ATP9A: variants seen among roughly 807,000 people sequenced by gnomAD.
ATP9A encodes the protein ATPase phospholipid transporting 9A.
Under a neutral mutation model 144.1 loss-of-function variants are expected in ATP9A, and 52 were observed. That is an observed-to-expected ratio of 0.36 (90% CI 0.29 to 0.45). ATP9A has a LOEUF of 0.45. ATP9A is among the 20% of genes least tolerant of loss of function. The pLI is 1.00. For missense variants in ATP9A, 947 were observed against 1,392.7 expected (o/e 0.68, Z 5.09); for synonymous variants, 582 against 557.4 (o/e 1.04, Z -0.62).
At chr20:51,705,365 C>G (rs1020956375) in intron 4 of ATP9A, among the ~76,000 whole-genome samples, 1 of 152,064 alleles carries the variant, frequency 6.6e-6, no homozygotes, top group Admixed American at 6.6e-5. Context: ...ACAGGTGATT[C>G]TGTAAATGAG....
At chr20:51,626,099 C>T (rs762187065) in intron 17 of ATP9A, among the ~76,000 whole-genome samples, 15 of 152,184 alleles carry the variant, frequency 9.9e-5, no homozygotes, top group South Asian at 2.1e-4. Flanking sequence ...GTAAACAAGA[C>T]GAGGACCCTC....
intron 3 of ATP9A, among the ~76,000 whole-genome samples, chr20:51,716,553 T>G (rs1194694466): frequency 6.6e-6 from 1 of 150,772 alleles, no homozygotes; most frequent in Non-Finnish European, 1.5e-5. Flanking sequence ...CTCAGGAGGC[T>G]GAGGCAGGAG....
chr20:51,760,849 CCT>C (rs2077877257), intron 1 of ATP9A, among the ~76,000 whole-genome samples: 1 of 152,046 alleles, frequency 6.6e-6, no homozygotes, highest in Admixed American at 6.5e-5. Context: ...ATGGTGAAAC[CCT>C]GTCTCTACTA....
intron 19 of ATP9A, 117 bp downstream of exon 19, chr20:51,621,957 C>T (rs2122724422): frequency 1.2e-6 from 1 of 868,598 alleles, no homozygotes; most frequent in African/African-American, 1.7e-5. Flanking sequence ...TGATGCTCCC[C>T]ACCCTAGGTA....
intron 14 of ATP9A, among the ~76,000 whole-genome samples, chr20:51,644,954 C>T (rs1296310412): frequency 2.6e-5 from 4 of 152,178 alleles, no homozygotes; most frequent in Admixed American, 2.6e-4. Flanking sequence ...ACTCCAGAAC[C>T]AGAAGTGGCT....
At chr20:51,753,446 G>A (rs1028582960) in intron 1 of ATP9A, among the ~76,000 whole-genome samples, 7 of 120,664 alleles carry the variant, frequency 5.8e-5, no homozygotes, top group Admixed American at 1.8e-4. Flanking sequence ...GTGAGACTCC[G>A]TCTCAAAAAA....
intron 1 of ATP9A, among the ~76,000 whole-genome samples, chr20:51,740,918 G>A (rs1200258386): frequency 1.3e-5 from 2 of 151,952 alleles, no homozygotes; most frequent in Non-Finnish European, 2.9e-5. Flanking sequence ...CTTAAAGCCT[G>A]CATTTTATCA....
At chr20:51,656,838 T>C in intron 14 of ATP9A, 100 bp downstream of exon 14, 3 of 1,112,732 alleles carry the variant, frequency 2.7e-6, no homozygotes, top group Non-Finnish European at 3.9e-6. Flanking sequence ...TCCTGGCTCC[T>C]GTCTGCCCTG....
chr20:51,755,942 G>A (rs533784706), intron 1 of ATP9A, among the ~76,000 whole-genome samples: 14 of 149,750 alleles, frequency 9.3e-5, no homozygotes, highest in South Asian at 2.2e-4. Context: ...GCGACAGAGC[G>A]AGACTCCATC....
intron 1 of ATP9A, among the ~76,000 whole-genome samples, chr20:51,764,998 G>A (rs6096572): frequency 0.044 from 6,634 of 152,192 alleles, 503 homozygotes; most frequent in African/African-American, 0.15. Flanking sequence ...TGGGATTACA[G>A]GCTTGAACCA....
intron 13 of ATP9A, among the ~76,000 whole-genome samples, chr20:51,663,489 C>T (rs2077419507): frequency 6.6e-6 from 1 of 151,784 alleles, no homozygotes; most frequent in South Asian, 2.1e-4. Flanking sequence ...ACCACACTGA[C>T]AAAAAAAATT....
intron 8 of ATP9A, among the ~76,000 whole-genome samples, chr20:51,690,234 C>A (rs948686108): frequency 2.7e-5 from 4 of 149,612 alleles, no homozygotes; most frequent in Non-Finnish European, 4.4e-5. Flanking sequence ...TCCTGGCTAA[C>A]ACCGTGAAAA....
intron 15 of ATP9A, among the ~76,000 whole-genome samples, chr20:51,636,076 C>T (rs868262108): frequency 3.3e-5 from 5 of 152,108 alleles, no homozygotes; most frequent in Admixed American, 2.0e-4. Flanking sequence ...GAATTAGGCA[C>T]AGTAAGAAAT....
rs2077124236 is a variant in ATP9A, at chr20:51,597,524, G to A, written c.*3687C>T. 1 of 151,656 alleles carries A rather than the reference G, an allele frequency of 6.6e-6. No homozygotes were observed. The highest frequency in any genetic ancestry group is 1.9e-4 in the East Asian group (1 of 5,168). 9.4% of individuals were successfully genotyped at this position (151,656 alleles called of 1,614,324 possible). A position where few individuals can be genotyped will look rare whatever the true frequency, so the allele number is the denominator to read the frequency against. ...AAACTTTAGATGACATCATTCTCTC[G>A]CTCTTTCACACACACACACACCCCC... On this transcript the variant is annotated 3_prime_UTR_variant, in exon 28 of 28. Coordinates refer to ENST00000338821, the MANE Select transcript of ATP9A (RefSeq NM_006045.3).
At chr20:51,766,171 TCTGA>T (rs754327529) in intron 1 of ATP9A, among the ~76,000 whole-genome samples, 241 of 152,330 alleles carry the variant, frequency 1.6e-3, no homozygotes, top group Non-Finnish European at 2.6e-3. Flanking sequence ...AGTTCTCAAC[TCTGA>T]CTGCATGTTA....
At position 51,628,995 on chromosome 20, in the gene ATP9A, G is replaced by A; in HGVS notation, c.1746C>T (p.Asp582=). The change falls in exon 16 of 28, where the codon GAC becomes GAT. Residue 582 remains aspartate, a synonymous_variant. Transcript: ENST00000338821. ...TCACACTTACCTCTTCCTCCAACCA[G>A]TCATTGTACTGCACAATGCCAGCCA... is the stretch of plus-strand genomic sequence containing the variant. ...VVMAGIVQYN[D]WLEEECGNMA... is the part of the protein sequence containing the mutation. 2 of 1,613,654 alleles carry A rather than the reference G, an allele frequency of 1.2e-6. No homozygotes were observed. The highest frequency in any genetic ancestry group is 2.2e-5 in the South Asian group (2 of 91,044).
At chr20:51,654,722 T>C (rs1009137369) in intron 14 of ATP9A, among the ~76,000 whole-genome samples, 1 of 152,050 alleles carries the variant, frequency 6.6e-6, no homozygotes. Context: ...CTGGGCAACA[T>C]AGCAAGACCC....
At chr20:51,664,063 T>C (rs2077422784) in intron 13 of ATP9A, among the ~76,000 whole-genome samples, 2 of 152,042 alleles carry the variant, frequency 1.3e-5, no homozygotes, top group Admixed American at 1.3e-4. Flanking sequence ...TCATCCAGGC[T>C]GGGTGCAGTG....
rs371002330 is a variant in ATP9A at position 51,703,867 on chromosome 20, A to C, written c.437-6385T>G. ...TGCAGGGCACTGATTGCTTTTGTAG[A>C]TCTCTAACAACAATCTCCATGCACT... On this transcript the variant is annotated intron_variant, in intron 4 of 27. Coordinates refer to ENST00000338821, the MANE Select transcript of ATP9A (RefSeq NM_006045.3). 1.6e-4 allele frequency among the ~76,000 whole-genome samples: 25 copies of C among 152,202 alleles called. 3 individuals carry two copies. Among genetic ancestry groups the C allele is most frequent in the Admixed American group, 2.0e-4 (3 of 15,272 alleles).
Sources: gnomAD v4.1 joint callset for allele counts (sites outside exome capture counted in the v4.1 genomes callset) on GRCh38, gnomAD v4.1.1 for gene constraint, MANE v1.5 for transcripts, NCBI Gene and HGNC (gene_info 2026-07-23, HGNC 2026-07-21) for gene names.